Variants in USP24 observed in about 807,000 individuals in gnomAD.
USP24 encodes the protein ubiquitin specific peptidase 24.
USP24 carries 97 observed loss-of-function variants against 361.6 expected under a neutral mutation model. The ratio of observed to expected loss-of-function variants is 0.27; its 90% CI spans 0.23 to 0.32. The LOEUF (loss-of-function observed/expected upper bound fraction) is 0.32. USP24 is among the 10% of genes least tolerant of loss of function. The pLI is 1.00. For missense variants in USP24, 2,353 were observed against 3,165.6 expected (o/e 0.74, Z 6.16); for synonymous variants, 1,098 against 1,124.6 (o/e 0.98, Z 0.47).
chr1:55,095,258 G>C lies in USP24; in HGVS notation c.6200C>G (p.Ser2067Cys). The C allele has an allele frequency of 6.2e-7, 1 of 1,613,580 alleles. No individual in the cohort carries two copies. Among genetic ancestry groups the C allele is most frequent in the Non-Finnish European group, 8.5e-7 (1 of 1,179,728 alleles). Residue 2067 changes from serine (S) to cysteine (C), a missense_variant, in exon 51 of 68, where the codon TCT becomes TGT. By Grantham distance (112) the Ser-to-Cys change is moderately radical. Coordinates refer to ENST00000294383, the MANE Select transcript of USP24 (RefSeq NM_015306.3). ...SVVRQEAEDLSLSAPSSPEIS... is the reference protein window; with the variant it reads ...SVVRQEAEDLCLSAPSSPEIS... ...ATTACATGGAAGAGACACTTACAGA[G>C]AGAGATCCTCAGCTTCCTGCCGTAC...
chr1:55,097,971 G>C lies in USP24; in HGVS notation c.5567C>G (p.Ala1856Gly). The change falls in exon 47 of 68, where the codon GCG (alanine) becomes GGG (glycine). Residue 1856 changes from alanine (A) to glycine (G), a missense_variant. Around this residue, in one of 8 missense-constraint regions of USP24, gnomAD observed 105 missense variants for 200.3 expected, o/e 0.52. Transcript: ENST00000294383. The part of the protein sequence containing the change: ...VRGEVLEGSN[A>G]YYCEKCKEKR... ...TTCTTTACACTTTTCACAGTAGTACGCATTACTTCCTTCTAGAACTTCTCC... is the reference window on the plus strand; with the variant it reads ...TTCTTTACACTTTTCACAGTAGTACCCATTACTTCCTTCTAGAACTTCTCC... 6.2e-7 allele frequency: 1 copy of C among 1,611,096 alleles called. No homozygotes were observed. Among genetic ancestry groups the C allele is most frequent in the Admixed American group, 1.7e-5 (1 of 59,064 alleles).
chr1:55,100,263 G>A (rs542021695), intron 44 of USP24, among the ~76,000 whole-genome samples: 3 of 152,342 alleles, frequency 2.0e-5, no homozygotes, highest in Admixed American at 6.5e-5. Context: ...CTGGGAGGCC[G>A]AGGCAGGCGG....
intron 1 of USP24, among the ~76,000 whole-genome samples, chr1:55,202,213 G>A (rs975101003): frequency 6.6e-6 from 1 of 151,964 alleles, no homozygotes; most frequent in African/African-American, 2.4e-5. Context: ...ACCATTCCAA[G>A]GTATATTTCA....
chr1:55,179,384 G>A (rs1022377067), intron 1 of USP24, among the ~76,000 whole-genome samples: 4 of 152,088 alleles, frequency 2.6e-5, no homozygotes, highest in Non-Finnish European at 5.9e-5. Flanking sequence ...CGATTTCTCT[G>A]GTTGACCATA....
At chr1:55,101,789 T>C (rs1348819354) in intron 42 of USP24, 86 bp from the exon 43 acceptor site, 3 of 1,423,074 alleles carry the variant, frequency 2.1e-6, no homozygotes, top group African/African-American at 1.5e-5. Flanking sequence ...ATGCGGGAGA[T>C]ATATTCACAG....
intron 25 of USP24, 79 bp downstream of exon 25, chr1:55,138,865 C>A: frequency 1.4e-6 from 2 of 1,479,562 alleles, no homozygotes; most frequent in Non-Finnish European, 1.9e-6. Flanking sequence ...AAACTCCCAG[C>A]TGCTAGAAAG....
Position 55,110,437 on chromosome 1 carries a change from G to T in USP24, c.4509-191C>A, listed in dbSNP as rs368040105. 3.3e-5 allele frequency among the ~76,000 whole-genome samples: 5 copies of T among 152,256 alleles called. No homozygotes were observed. In the East Asian group the frequency reaches 7.7e-4, roughly 23 times the overall value. ...TTTTACTAATACAGATATAGTAACA[G>T]AAATAACGGTGTAAAGAGAGGGAAA... On this transcript the variant is annotated intron_variant, in intron 38 of 67. Transcript: ENST00000294383.
intron 1 of USP24, among the ~76,000 whole-genome samples, chr1:55,182,278 T>C (rs183725139): frequency 6.6e-6 from 1 of 152,260 alleles, no homozygotes; most frequent in Non-Finnish European, 1.5e-5. Context: ...TCTCGATCTC[T>C]TGACCTCATC....
At chr1:55,119,743 T>C (rs1168367830) in intron 38 of USP24, among the ~76,000 whole-genome samples, 1 of 152,082 alleles carries the variant, frequency 6.6e-6, no homozygotes, top group Non-Finnish European at 1.5e-5. Context: ...CTGTCATGTA[T>C]GTTGCAGATT....
chr1:55,103,617 G>A (rs116556181), intron 42 of USP24, among the ~76,000 whole-genome samples: 53 of 152,288 alleles, frequency 3.5e-4, no homozygotes, highest in African/African-American at 1.2e-3. Flanking sequence ...AGGTTGGAAT[G>A]CTACTTTTTA....
intron 41 of USP24, among the ~76,000 whole-genome samples, chr1:55,104,433 T>C (rs934612803): frequency 3.3e-5 from 5 of 152,168 alleles, no homozygotes; most frequent in African/African-American, 4.8e-5. Context: ...AAACCCAGAA[T>C]AGATAGCCAT....
At chr1:55,189,175 CAT>C (rs1644220662) in intron 1 of USP24, among the ~76,000 whole-genome samples, 1 of 152,050 alleles carries the variant, frequency 6.6e-6, no homozygotes, top group African/African-American at 2.4e-5. Flanking sequence ...GAAATGGAAA[CAT>C]ATGTCCACAT....
chr1:55,128,825 C>T (rs1646511837), intron 32 of USP24, among the ~76,000 whole-genome samples: 2 of 151,590 alleles, frequency 1.3e-5, no homozygotes, highest in African/African-American at 4.9e-5. Flanking sequence ...AGTGATCCTC[C>T]CACCTCAGTG....
chr1:55,094,860 G>A (rs1007881513), intron 51 of USP24, among the ~76,000 whole-genome samples: 2 of 151,922 alleles, frequency 1.3e-5, no homozygotes, highest in African/African-American at 4.8e-5. Flanking sequence ...CCAAATATCT[G>A]GGCCTGGTGC....
chr1:55,182,950 C>T lies in USP24; in HGVS notation c.325-4818G>A, dbSNP rs966360038. 3.9e-5 allele frequency among the ~76,000 whole-genome samples: 6 copies of T among 151,982 alleles called. No homozygotes were observed. In the East Asian group the frequency reaches 5.8e-4, roughly 15 times the overall value. On this transcript the variant is annotated intron_variant, in intron 1 of 67. Coordinates refer to ENST00000294383, the MANE Select transcript of USP24 (RefSeq NM_015306.3). ...GTCAGGCTGGTCTTGAACTCCTGAC[C>T]GCAAGTGATCTGCCCGCCTGGGCCT...
At chr1:55,172,938 C>T (rs1316194329) in intron 3 of USP24, among the ~76,000 whole-genome samples, 1 of 152,104 alleles carries the variant, frequency 6.6e-6, no homozygotes, top group Non-Finnish European at 1.5e-5. Flanking sequence ...ATAACTCTTA[C>T]CTACTTCATA....
intron 38 of USP24, among the ~76,000 whole-genome samples, chr1:55,112,888 T>TG (rs1427649724): frequency 6.6e-6 from 1 of 152,190 alleles, no homozygotes; most frequent in Non-Finnish European, 1.5e-5. Flanking sequence ...ACTATTATTG[T>TG]GTGGGAGTCG....
intron 50 of USP24, 120 bp from the exon 51 acceptor site, chr1:55,095,516 G>T: frequency 1.8e-6 from 2 of 1,117,002 alleles, no homozygotes; most frequent in Non-Finnish European, 2.5e-6. Context: ...TTTGTAAAAT[G>T]CAAAGTATAA....
chr1:55,114,496 T>C (rs151145266), intron 38 of USP24, among the ~76,000 whole-genome samples: 1,846 of 152,214 alleles, frequency 0.012, 34 homozygotes, highest in African/African-American at 0.042. Context: ...CAAACTATAC[T>C]ACAAGGCTAC....
Sources: gnomAD v4.1 joint callset for allele counts (sites outside exome capture counted in the v4.1 genomes callset) on GRCh38, gnomAD v4.1.1 for gene constraint, gnomAD v4.1.1 regional missense constraint, MANE v1.5 for transcripts, NCBI Gene and HGNC (gene_info 2026-07-23, HGNC 2026-07-21) for gene names.